Variants in EPS8 observed in about 807,000 individuals in gnomAD.
EPS8 encodes the protein epidermal growth factor receptor kinase substrate 8.
Under a neutral mutation model 103.8 loss-of-function variants are expected in EPS8, and 42 were observed. That is an observed-to-expected ratio of 0.40 (90% CI 0.32 to 0.52). EPS8 has a LOEUF of 0.52. EPS8 is among the 20% of genes least tolerant of loss of function. The pLI is 0.40. For missense variants in EPS8, 969 were observed against 1,005.1 expected, an observed-to-expected ratio of 0.96 and a Z score of 0.49; for synonymous variants, 344 against 344.6, an observed-to-expected ratio of 1.00 and a Z score of 0.02.
intron 1 of EPS8, among the ~76,000 whole-genome samples, chr12:15,687,698 G>C (rs967170704): frequency 1.3e-5 from 2 of 152,282 alleles, no homozygotes; most frequent in Non-Finnish European, 2.9e-5. Context: ...ATAAAGAAAA[G>C]AGGCATAGAC....
At chr12:15,711,033 C>CTTATTTATTTATTTAT (rs143155444) in intron 1 of EPS8, among the ~76,000 whole-genome samples, 1 of 136,424 alleles carries the variant, frequency 7.3e-6, no homozygotes, top group African/African-American at 2.7e-5. Flanking sequence ...CCATGCCAGG[C>CTTATTTATTTATTTAT]TTATTTATTT....
rs182819487 is a variant in EPS8, at chr12:15,651,134, T to C, written c.1251-128A>G. ...AATAACAAACAACAAAAACAGCACA[T>C]AGACCTAATCTGTCTTCCATCCACC... On this transcript the variant is annotated intron_variant, in intron 13 of 20. Transcript: ENST00000281172. 1.8e-5 allele frequency: 12 copies of C among 682,358 alleles called. No individual in the cohort carries two copies. In the Admixed American group the frequency reaches 2.1e-4, roughly 12 times the overall value. 42.3% of individuals were successfully genotyped at this position (682,358 alleles called of 1,614,324 possible). A position where few individuals can be genotyped will look rare whatever the true frequency, so the allele number is the denominator to read the frequency against.
intron 12 of EPS8, among the ~76,000 whole-genome samples, chr12:15,655,045 C>A (rs1945483197): frequency 6.6e-6 from 1 of 152,124 alleles, no homozygotes; most frequent in Non-Finnish European, 1.5e-5. Flanking sequence ...TTTATAAAAT[C>A]TTACCTTCTC....
intron 1 of EPS8, among the ~76,000 whole-genome samples, chr12:15,685,272 A>G (rs1406835489): frequency 6.6e-6 from 1 of 152,182 alleles, no homozygotes; most frequent in Non-Finnish European, 1.5e-5. Context: ...TGTCCTCGTC[A>G]GTAAAATAGA....
intron 1 of EPS8, among the ~76,000 whole-genome samples, chr12:15,766,411 T>C (rs569944035): frequency 6.6e-6 from 1 of 151,712 alleles, no homozygotes; most frequent in Non-Finnish European, 1.5e-5. Context: ...GAGAATCACT[T>C]GAACCCAGGA....
intron 17 of EPS8, among the ~76,000 whole-genome samples, chr12:15,640,065 G>T (rs1349046150): frequency 6.6e-6 from 1 of 152,178 alleles, no homozygotes; most frequent in African/African-American, 2.4e-5. Flanking sequence ...GCTGACCAGG[G>T]TCACTGAAAT....
intron 1 of EPS8, among the ~76,000 whole-genome samples, chr12:15,703,886 C>T (rs74063356): frequency 0.015 from 1,429 of 93,304 alleles, 30 homozygotes; most frequent in African/African-American, 0.064. Flanking sequence ...AACTTAGACT[C>T]ACCTTTGTTA....
chr12:15,712,185 G>T (rs1225915071), intron 1 of EPS8, among the ~76,000 whole-genome samples: 1 of 151,808 alleles, frequency 6.6e-6, no homozygotes, highest in Non-Finnish European at 1.5e-5. Flanking sequence ...TTTCTTAAAA[G>T]CTTCCATTAA....
At chr12:15,635,283 C>T (rs971370463) in intron 17 of EPS8, among the ~76,000 whole-genome samples, 3 of 151,972 alleles carry the variant, frequency 2.0e-5, no homozygotes, top group Non-Finnish European at 4.4e-5. Flanking sequence ...TGTATAAAAA[C>T]ACATATATAT....
rs60710441 is a variant in EPS8, at chr12:15,771,080, A to G, written c.-22+18081T>C. ...AAATAAGTGCCTAGGCGATCCTGAG[A>G]AAAAAAATATTAAGTGGGAGAGGTA... On this transcript the variant is annotated intron_variant, in intron 1 of 20. Transcript: ENST00000281172. The surrounding 1 kb of genome is among the most constrained non-coding windows in gnomAD (Gnocchi z 4.6). 3.3e-3 allele frequency among the ~76,000 whole-genome samples: 497 copies of G among 151,626 alleles called. No homozygotes were observed. Among genetic ancestry groups the G allele is most frequent in the African/African-American group, 0.011 (461 of 41,180 alleles).
chr12:15,629,517 T>G lies in EPS8; in HGVS notation c.2044+1925A>C, dbSNP rs561099544. On this transcript the variant is annotated intron_variant, in intron 18 of 20. Transcript: ENST00000281172. ...AATTTCTCATCTTAAAACTATGTCT[T>G]TAGTGTATTTGAAAAAGAAAACTCT... Among the ~76,000 whole-genome samples, 3 of 152,380 alleles carry G rather than the reference T, an allele frequency of 2.0e-5. No homozygotes were observed. In the South Asian group the frequency reaches 6.2e-4, roughly 32 times the overall value.
rs561106379 is a variant in EPS8 at position 15,700,368 on chromosome 12, T to C, written c.-21-17396A>G. ...TAATCCCTGAACTGAAATTGTGCTA[T>C]AAAGAGTTATATGTGTGGGCTAAAA... On this transcript the variant is annotated intron_variant, in intron 1 of 20. Coordinates refer to ENST00000281172, the MANE Select transcript of EPS8 (RefSeq NM_004447.6). The surrounding 1 kb of genome is among the most constrained non-coding windows in gnomAD (Gnocchi z 5.1). 1.3e-5 allele frequency among the ~76,000 whole-genome samples: 2 copies of C among 152,310 alleles called. No homozygotes were observed. The highest frequency in any genetic ancestry group is 2.9e-5 in the Non-Finnish European group (2 of 68,024).
chr12:15,670,975 C>T (rs561770217), intron 3 of EPS8, 52 bp from the exon 4 acceptor site: 252 of 1,326,498 alleles, frequency 1.9e-4, no homozygotes, highest in South Asian at 9.4e-4. Context: ...GACTGAAGTT[C>T]ATATGTTGGT....
chr12:15,766,882 TTAGTCTA>T (rs1364950982), intron 1 of EPS8, among the ~76,000 whole-genome samples: 10 of 152,154 alleles, frequency 6.6e-5, no homozygotes, highest in Admixed American at 6.5e-4. Flanking sequence ...CCAAAAGGAA[TTAGTCTA>T]AATTCTATAA....
At chr12:15,631,789 T>A in intron 17 of EPS8, 125 bp from the exon 18 acceptor site, 1 of 679,516 alleles carries the variant, frequency 1.5e-6, no homozygotes, top group Admixed American at 2.9e-5. Flanking sequence ...ATTACTCATT[T>A]ATCTGTAATC....
chr12:15,728,392 TA>T lies in EPS8; in HGVS notation c.-21-45421del, dbSNP rs894560644. The T allele has an allele frequency of 1.3e-5, 2 of 152,156 alleles. No individual in the cohort carries two copies. Among genetic ancestry groups the T allele is most frequent in the Non-Finnish European group, 1.5e-5 (1 of 68,038 alleles). The allele number at this position is 152,156 out of a possible 1,614,324, so 9.4% of individuals were successfully genotyped here. ...GCTAATAACAATCCAAGATGAAGCT[TA>T]AAGAAACTACAGCAGTGGCCCTTTT... On this transcript the variant is annotated intron_variant, in intron 1 of 20. Transcript: ENST00000281172. This position sits in a 1 kb window ranked among gnomAD's most constrained non-coding sequence, Gnocchi z 4.5.
Position 15,682,888 on chromosome 12 carries a change from C to T in EPS8, c.59+5G>A. Reference sequence around the variant, plus strand: ...AACATATTAAATATAAACTTTTCAACTTACTTCATCTGAGATGGGTACATT... The same window carrying T: ...AACATATTAAATATAAACTTTTCAATTTACTTCATCTGAGATGGGTACATT... On this transcript the variant is annotated splice_donor_5th_base_variant and intron_variant, in intron 2 of 20. Transcript: ENST00000281172. The T allele has an allele frequency of 1.4e-6, 2 of 1,448,696 alleles. No homozygotes were observed. 89.7% of individuals were successfully genotyped at this position (1,448,696 alleles called of 1,614,324 possible). A position where few individuals can be genotyped will look rare whatever the true frequency, so the allele number is the denominator to read the frequency against.
chr12:15,726,054 T>C (rs764512685), intron 1 of EPS8, among the ~76,000 whole-genome samples: 7 of 152,188 alleles, frequency 4.6e-5, no homozygotes, highest in Admixed American at 6.5e-5. Context: ...TGGCTAGTTA[T>C]CAGTCACTCA....
In EPS8 at chr12:15,757,602, C is replaced by G. The variant is rs1230585287; in HGVS notation, c.-22+31559G>C. On this transcript the variant is annotated intron_variant, in intron 1 of 20. Coordinates refer to ENST00000281172, the MANE Select transcript of EPS8 (RefSeq NM_004447.6). The surrounding 1 kb of genome is among the most constrained non-coding windows in gnomAD (Gnocchi z 4.1). ...TTGAGATCGCGCCACTGCACTCCAG[C>G]CTGGCAACAGAGCGAGACTCCGTCT... is the stretch of plus-strand genomic sequence containing the variant. Among the ~76,000 whole-genome samples, 1 of 151,790 alleles carries G rather than the reference C, an allele frequency of 6.6e-6. No individual in the cohort carries two copies. The highest frequency in any genetic ancestry group is 1.5e-5 in the Non-Finnish European group (1 of 67,954).
Sources: gnomAD v4.1 joint callset for allele counts (sites outside exome capture counted in the v4.1 genomes callset) on GRCh38, gnomAD v4.1.1 for gene constraint, Gnocchi (gnomAD v3.1) non-coding constraint, MANE v1.5 for transcripts, NCBI Gene and HGNC (gene_info 2026-07-23, HGNC 2026-07-21) for gene names.